Variants in MSRB3 observed in about 807,000 individuals in gnomAD.
The protein encoded by MSRB3 is methionine sulfoxide reductase B3, also known as methionine-R-sulfoxide reductase B3.
MSRB3 carries 13 observed loss-of-function variants against 21.0 expected under a neutral mutation model. The observed-to-expected ratio is 0.62, with a 90% CI of 0.40 to 0.98. The LOEUF (loss-of-function observed/expected upper bound fraction) is 0.98. Ranked by LOEUF, MSRB3 falls within the 50% of genes least tolerant of loss-of-function variation. The pLI is 0.00. For missense variants in MSRB3, 199 were observed against 230.3 expected, an observed-to-expected ratio of 0.86 and a Z score of 0.88; for synonymous variants, 87 against 88.6, an observed-to-expected ratio of 0.98 and a Z score of 0.10.
At chr12:65,378,461 C>CCA (rs1416818847) in intron 5 of MSRB3, among the ~76,000 whole-genome samples, 1 of 152,108 alleles carries the variant, frequency 6.6e-6, no homozygotes, top group Non-Finnish European at 1.5e-5. Context: ...CAGGTCTGTT[C>CCA]CACACTTGTC....
Position 65,328,581 on chromosome 12 carries a change from GT to G in MSRB3, c.244del (p.Cys82ValfsTer24). 1.9e-6 allele frequency: 3 copies of G among 1,612,294 alleles called. No homozygotes were observed. Among genetic ancestry groups the G allele is most frequent in the Non-Finnish European group, 2.5e-6 (3 of 1,178,602 alleles). On this transcript the variant is annotated frameshift_variant, in exon 4 of 7. Transcript: ENST00000308259. LOFTEE classifies it high-confidence loss of function. ...HKDPGIYKCV[V>X]CGTPLFKSET... ...AGATCCTGGAATATATAAATGTGTT[GT>G]TTGTGGAACTCCATTGTTTAAGTAA...
chr12:65,357,300 T>C (rs2136509482), intron 4 of MSRB3, among the ~76,000 whole-genome samples: 1 of 152,028 alleles, frequency 6.6e-6, no homozygotes, highest in East Asian at 1.9e-4. Context: ...TTGCTCCTGC[T>C]CTAGTCTAAG....
intron 5 of MSRB3, among the ~76,000 whole-genome samples, chr12:65,451,401 G>T (rs371600826): frequency 6.6e-6 from 1 of 152,020 alleles, no homozygotes; most frequent in East Asian, 1.9e-4. Context: ...CCCTCATCCT[G>T]CTCTATTCTT....
chr12:65,283,443 T>G (rs1243762924), intron 1 of MSRB3, among the ~76,000 whole-genome samples: 1 of 152,150 alleles, frequency 6.6e-6, no homozygotes, highest in African/African-American at 2.4e-5. Flanking sequence ...ATTTTTTTTT[T>G]TTTTTGAGAT....
intron 5 of MSRB3, among the ~76,000 whole-genome samples, chr12:65,375,910 A>T (rs543401699): frequency 6.9e-6 from 1 of 143,950 alleles, no homozygotes; most frequent in Admixed American, 7.2e-5. Context: ...TAGAAAGTCT[A>T]TTATTCAGTA....
intron 4 of MSRB3, among the ~76,000 whole-genome samples, chr12:65,355,636 A>G (rs535868286): frequency 1.3e-5 from 2 of 151,924 alleles, no homozygotes; most frequent in South Asian, 2.1e-4. Context: ...TTTTACTTCT[A>G]TGTACTCACT....
At chr12:65,459,961 T>C (rs531911049) in intron 6 of MSRB3, among the ~76,000 whole-genome samples, 10 of 152,198 alleles carry the variant, frequency 6.6e-5, no homozygotes, top group Non-Finnish European at 1.3e-4. Context: ...GATAAAGGAT[T>C]GTTGTGAGAA....
chr12:65,407,668 C>A (rs1311149280), intron 5 of MSRB3, among the ~76,000 whole-genome samples: 1 of 152,126 alleles, frequency 6.6e-6, no homozygotes, highest in African/African-American at 2.4e-5. Flanking sequence ...TCTCCTTCTG[C>A]TATTCCTATT....
chr12:65,422,306 T>C (rs575520833), intron 5 of MSRB3, among the ~76,000 whole-genome samples: 2 of 147,230 alleles, frequency 1.4e-5, no homozygotes, highest in East Asian at 4.0e-4. Flanking sequence ...ATTGCCAGTA[T>C]TAGACAGATA....
chr12:65,422,388 GTATATATATATATATATATATATATATA>G (rs59746471), intron 5 of MSRB3, among the ~76,000 whole-genome samples: 6 of 92,498 alleles, frequency 6.5e-5, no homozygotes, highest in East Asian at 2.7e-4. Context: ...GGAGTACATA[GTATATATATATATATATATATATATATA>G]TATATATATA....
chr12:65,377,053 A>C (rs978193735), intron 5 of MSRB3, among the ~76,000 whole-genome samples: 1 of 152,094 alleles, frequency 6.6e-6, no homozygotes, highest in Non-Finnish European at 1.5e-5. Context: ...TCTTGTTGGC[A>C]AGGTTCTATT....
At chr12:65,462,666 C>T (rs1883382954) in intron 6 of MSRB3, among the ~76,000 whole-genome samples, 1 of 152,172 alleles carries the variant, frequency 6.6e-6, no homozygotes, top group African/African-American at 2.4e-5. Context: ...CCAAGAACAT[C>T]CAATACTTGT....
chr12:65,349,177 C>T (rs1002617223), intron 4 of MSRB3, among the ~76,000 whole-genome samples: 17 of 151,948 alleles, frequency 1.1e-4, no homozygotes, highest in East Asian at 1.9e-4. Flanking sequence ...TTTGTTCTTG[C>T]GATAGTTTAC....
chr12:65,365,078 T>TC (rs948931266), intron 4 of MSRB3, among the ~76,000 whole-genome samples: 1 of 151,824 alleles, frequency 6.6e-6, no homozygotes, highest in African/African-American at 2.4e-5. Flanking sequence ...TGACATGATT[T>TC]TTTTTTTTGT....
intron 5 of MSRB3, among the ~76,000 whole-genome samples, chr12:65,396,151 T>G (rs868472928): frequency 3.9e-5 from 6 of 152,370 alleles, no homozygotes; most frequent in African/African-American, 1.4e-4. Context: ...ATAATTTTCC[T>G]ATAAGCACAG....
At chr12:65,354,667 G>A (rs570607919) in intron 4 of MSRB3, among the ~76,000 whole-genome samples, 1 of 151,652 alleles carries the variant, frequency 6.6e-6, no homozygotes, top group African/African-American at 2.4e-5. Flanking sequence ...TACTACAAAG[G>A]CCAAAGGTAG....
chr12:65,280,863 G>T (rs369103690), intron 1 of MSRB3, among the ~76,000 whole-genome samples: 2 of 152,140 alleles, frequency 1.3e-5, no homozygotes, highest in Admixed American at 1.3e-4. Flanking sequence ...CAACTCAAAA[G>T]AATATCCAAA....
intron 5 of MSRB3, among the ~76,000 whole-genome samples, chr12:65,445,687 C>T (rs1395648156): frequency 6.6e-6 from 1 of 150,528 alleles, no homozygotes. Context: ...ACTCTGTCGC[C>T]CAGGCTGGAA....
At chr12:65,330,074 A>G (rs547339214) in intron 4 of MSRB3, among the ~76,000 whole-genome samples, 36 of 152,310 alleles carry the variant, frequency 2.4e-4, no homozygotes, top group Admixed American at 3.9e-4. Context: ...TAATATCCCA[A>G]ATGGTAAAAA....
Sources: gnomAD v4.1 joint callset for allele counts (sites outside exome capture counted in the v4.1 genomes callset) on GRCh38, gnomAD v4.1.1 for gene constraint, MANE v1.5 for transcripts, NCBI Gene and HGNC (gene_info 2026-07-23, HGNC 2026-07-21) for gene names.